The following SRSF11 variants were observed in gnomAD, a reference collection of about 807,000 sequenced individuals.
SRSF11 encodes serine/arginine-rich splicing factor 11.
Under a neutral mutation model 56.0 loss-of-function variants are expected in SRSF11, and 9 were observed. The observed-to-expected ratio is 0.16, with a 90% CI of 0.10 to 0.28. SRSF11 has a LOEUF of 0.28. Among genes scored for constraint, SRSF11 ranks in the 10% least tolerant of loss-of-function variants. The pLI, the probability that SRSF11 is intolerant of heterozygous loss-of-function variation, is 1.00. For missense variants in SRSF11, 421 were observed against 600.7 expected (o/e 0.70, Z 3.13); for synonymous variants, 222 against 215.3 (o/e 1.03, Z -0.27).
Position 70,251,273 on chromosome 1 carries a change from C to G in SRSF11, c.*468C>G, listed in dbSNP as rs1217353276. 1 of 155,882 alleles carries G rather than the reference C, an allele frequency of 6.4e-6. No homozygotes were observed. The highest frequency in any genetic ancestry group is 2.4e-5 in the African/African-American group (1 of 41,450). 9.7% of individuals were successfully genotyped at this position (155,882 alleles called of 1,614,324 possible). A position where few individuals can be genotyped will look rare whatever the true frequency, so the allele number is the denominator to read the frequency against. Reference sequence around the variant, plus strand: ...CCAACATGATGGATCTACTTATGGTCTTGTTTGTTGACATGACAAATTAAC... The same window carrying G: ...CCAACATGATGGATCTACTTATGGTGTTGTTTGTTGACATGACAAATTAAC... On this transcript the variant is annotated 3_prime_UTR_variant, in exon 12 of 12. Coordinates refer to ENST00000370949, the MANE Select transcript of SRSF11 (RefSeq NM_001350605.2).
intron 2 of SRSF11, chr1:70,231,827 T>C: frequency 7.0e-7 from 1 of 1,418,866 alleles, no homozygotes; most frequent in East Asian, 3.4e-5. Context: ...TTTTTTGTCT[T>C]GTGTATCTTG....
intron 1 of SRSF11, among the ~76,000 whole-genome samples, chr1:70,210,433 C>A (rs112094769): frequency 2.6e-5 from 4 of 152,146 alleles, no homozygotes; most frequent in Non-Finnish European, 5.9e-5. Context: ...CTGGGATTGG[C>A]CAGGTACGGT....
rs761629712 is a variant in SRSF11 at position 70,250,322 on chromosome 1, AAAC to A, written c.1119-40_1119-38del. ...TGAAATTGAGTCAGGCTCATCATCT[AAAC>A]AAGTTAAACCTGTTGCTGTACATTT... On this transcript the variant is annotated intron_variant, in intron 10 of 11. Transcript: ENST00000370949. 2.4e-5 allele frequency: 39 copies of A among 1,600,152 alleles called. No individual in the cohort carries two copies. In the South Asian group the frequency reaches 3.4e-4, roughly 14 times the overall value.
chr1:70,220,468 G>C (rs1340236024), upstream of SRSF11, among the ~76,000 whole-genome samples: 1 of 152,196 alleles, frequency 6.6e-6, no homozygotes, highest in East Asian at 1.9e-4. Flanking sequence ...TGTGAAACAA[G>C]TTTTTCTTGA....
intron 1 of SRSF11, among the ~76,000 whole-genome samples, chr1:70,208,313 A>C (rs1669235589): frequency 6.6e-6 from 1 of 151,328 alleles, no homozygotes; most frequent in South Asian, 2.1e-4. Context: ...TAGTTACTGT[A>C]ATACAGTGTA....
chr1:70,246,284 G>A (rs971060833), intron 8 of SRSF11, among the ~76,000 whole-genome samples: 3 of 151,920 alleles, frequency 2.0e-5, no homozygotes, highest in East Asian at 1.9e-4. Flanking sequence ...ATTGAGTTAC[G>A]GCTGTAGTCA....
intron 8 of SRSF11, among the ~76,000 whole-genome samples, chr1:70,245,660 G>A (rs1426898749): frequency 6.6e-6 from 1 of 152,176 alleles, no homozygotes; most frequent in Non-Finnish European, 1.5e-5. Flanking sequence ...TGAAAGATTT[G>A]ACTAGACTCA....
intron 2 of SRSF11, 52 bp downstream of exon 2, chr1:70,228,607 C>T: frequency 1.3e-6 from 2 of 1,584,528 alleles, no homozygotes; most frequent in Non-Finnish European, 1.7e-6. Context: ...GACCATCTAC[C>T]TCAGTAGATG....
At chr1:70,220,941 AAAC>A (rs1308039876), upstream of SRSF11, 4 of 152,158 alleles carry the variant, frequency 2.6e-5, no homozygotes, top group African/African-American at 9.7e-5. Context: ...TTTAGTGACA[AAAC>A]AAATTAGTTA....
At chr1:70,218,014 G>A (rs959060701), upstream of SRSF11, among the ~76,000 whole-genome samples, 2 of 151,982 alleles carry the variant, frequency 1.3e-5, no homozygotes, top group Non-Finnish European at 2.9e-5. Context: ...TTTTGAGACG[G>A]AGTCTTGCTC....
chr1:70,208,951 T>C lies in SRSF11; in HGVS notation c.-26+3171T>C, dbSNP rs576712862. ...CATTACTAAAATAATGTGAAATGAATGTCTCCTGTGTCAAGGCTGGAGACT... is the reference window on the plus strand; with the variant it reads ...CATTACTAAAATAATGTGAAATGAACGTCTCCTGTGTCAAGGCTGGAGACT... On this transcript the variant is annotated intron_variant, in intron 1 of 12. Coordinates refer to the SRSF11 transcript ENST00000370950. Among the ~76,000 whole-genome samples, 19 of 152,340 alleles carry C rather than the reference T, an allele frequency of 1.2e-4. No homozygotes were observed. The East Asian group carries it at 2.9e-3, about 23-fold the overall frequency.
chr1:70,250,896 T>C lies in SRSF11; in HGVS notation c.*91T>C. ...ATGCTGTATTTGTTCATCTCAAACC[T>C]AGATGTATACAGCTCTGAGTTATAA... is the stretch of plus-strand genomic sequence containing the variant. On this transcript the variant is annotated 3_prime_UTR_variant, in exon 12 of 12. Coordinates refer to ENST00000370949, the MANE Select transcript of SRSF11 (RefSeq NM_001350605.2). The C allele has an allele frequency of 8.9e-7, 1 of 1,128,654 alleles. No homozygotes were observed. 69.9% of individuals were successfully genotyped at this position (1,128,654 alleles called of 1,614,324 possible). A position where few individuals can be genotyped will look rare whatever the true frequency, so the allele number is the denominator to read the frequency against.
chr1:70,230,844 A>G (rs930537752), intron 2 of SRSF11: 1 of 1,172,196 alleles, frequency 8.5e-7, no homozygotes, highest in African/African-American at 1.6e-5. Flanking sequence ...ATAATTTTGC[A>G]TGCAAAATTA....
intron 9 of SRSF11, among the ~76,000 whole-genome samples, chr1:70,247,464 ATCTCATTCACATGTTTTGCTGCAGTGCT>A (rs1677019361): frequency 6.6e-6 from 1 of 152,106 alleles, no homozygotes. Context: ...CATTTTTCAG[ATCTCATTCACATGTTTTGCTGCAGTGCT>A]TGTTTTATTC....
intron 9 of SRSF11, among the ~76,000 whole-genome samples, chr1:70,247,343 C>T (rs2101001485): frequency 6.6e-6 from 1 of 152,180 alleles, no homozygotes; most frequent in East Asian, 1.9e-4. Flanking sequence ...TAGACTAATT[C>T]TATCTTTAAG....
Position 70,221,635 on chromosome 1 carries a change from C to T in SRSF11, c.-2C>T. 1 of 1,608,762 alleles carries T rather than the reference C, an allele frequency of 6.2e-7. No individual in the cohort carries two copies. Among genetic ancestry groups the T allele is most frequent in the African/African-American group, 1.3e-5 (1 of 74,730 alleles). On this transcript the variant is annotated 5_prime_UTR_variant, in exon 1 of 12. Coordinates refer to ENST00000370949, the MANE Select transcript of SRSF11 (RefSeq NM_001350605.2). Reference sequence around the variant, plus strand: ...AGCAGGAGCGAGAACCCGAGCAGCGCCATGAGCAACACTACCGTCGTCCCC... The same window carrying T: ...AGCAGGAGCGAGAACCCGAGCAGCGTCATGAGCAACACTACCGTCGTCCCC...
chr1:70,207,724 C>CTTTT (rs202160955), intron 1 of SRSF11, among the ~76,000 whole-genome samples: 6 of 136,490 alleles, frequency 4.4e-5, no homozygotes, highest in African/African-American at 1.6e-4. Flanking sequence ...TTCTTTCGTT[C>CTTTT]TTTTTTTTTT....
chr1:70,244,723 G>A lies in SRSF11; in HGVS notation c.840G>A (p.Lys280=). The A allele has an allele frequency of 6.2e-7, 1 of 1,614,178 alleles. No homozygotes were observed. Among genetic ancestry groups the A allele is most frequent in the Non-Finnish European group, 8.5e-7 (1 of 1,180,038 alleles). Reference sequence around the variant, plus strand: ...GATCGAGACGGCGGTCACATTCTAAGTCTAGGAGTCGGCGACGATCCAAAA... The same window carrying A: ...GATCGAGACGGCGGTCACATTCTAAATCTAGGAGTCGGCGACGATCCAAAA... ...RSRSRRRSHS[K]SRSRRRSKSP... The change falls in exon 8 of 12, where the codon AAG becomes AAA. Residue 280 remains lysine, a synonymous_variant. Coordinates refer to ENST00000370949, the MANE Select transcript of SRSF11 (RefSeq NM_001350605.2).
intron 6 of SRSF11, among the ~76,000 whole-genome samples, chr1:70,237,807 G>C (rs924828443): frequency 6.6e-6 from 1 of 152,216 alleles, no homozygotes; most frequent in African/African-American, 2.4e-5. Flanking sequence ...TTCCACAGCA[G>C]TGGTTAATCT....
Sources: allele counts gnomAD v4.1 joint callset (sites outside exome capture counted in the v4.1 genomes callset), GRCh38; gene constraint gnomAD v4.1.1; transcripts MANE v1.5; gene names NCBI Gene and HGNC (gene_info 2026-07-23, HGNC 2026-07-21).